LRRTM4: variants seen among roughly 807,000 people sequenced by gnomAD.
LRRTM4 encodes the protein leucine-rich repeat transmembrane neuronal protein 4.
LRRTM4 carries 25 observed loss-of-function variants against 47.6 expected under a neutral mutation model. The observed-to-expected ratio is 0.53, with a 90% CI of 0.38 to 0.73. The LOEUF (loss-of-function observed/expected upper bound fraction) is 0.73. Among genes scored for constraint, LRRTM4 ranks in the 30% least tolerant of loss-of-function variants. LRRTM4 has a pLI of 0.00. For missense variants in LRRTM4, 638 were observed against 713.4 expected, an observed-to-expected ratio of 0.89 and a Z score of 1.20; for synonymous variants, 311 against 269.5, an observed-to-expected ratio of 1.15 and a Z score of -1.51.
intron 3 of LRRTM4, among the ~76,000 whole-genome samples, chr2:76,826,254 G>T (rs1458422319): frequency 6.6e-6 from 1 of 151,614 alleles, no homozygotes; most frequent in African/African-American, 2.4e-5. Context: ...AAAGCTAAAG[G>T]TAAGGATTAT....
chr2:77,285,762 C>A (rs1676638786), intron 3 of LRRTM4, among the ~76,000 whole-genome samples: 1 of 151,626 alleles, frequency 6.6e-6, no homozygotes, highest in Non-Finnish European at 1.5e-5. Context: ...CAAAAAAAAT[C>A]CTGATAGTCT....
chr2:76,960,833 G>A (rs1192585708), intron 3 of LRRTM4, among the ~76,000 whole-genome samples: 4 of 151,290 alleles, frequency 2.6e-5, no homozygotes, highest in Non-Finnish European at 4.4e-5. Context: ...AATTTAAAAT[G>A]AGAAATATAT....
At chr2:77,115,456 A>T (rs916949524) in intron 3 of LRRTM4, among the ~76,000 whole-genome samples, 2 of 152,226 alleles carry the variant, frequency 1.3e-5, no homozygotes, top group African/African-American at 2.4e-5. Context: ...TAACAGGATT[A>T]AGAGATTAAA....
chr2:77,165,795 T>G (rs1017236198), intron 3 of LRRTM4, among the ~76,000 whole-genome samples: 1 of 152,226 alleles, frequency 6.6e-6, no homozygotes, highest in East Asian at 1.9e-4. Context: ...AATTAGGTAT[T>G]GATGGGACGT....
chr2:77,000,321 A>AAAG (rs1553442837), intron 3 of LRRTM4, among the ~76,000 whole-genome samples: 588 of 151,688 alleles, frequency 3.9e-3, no homozygotes, highest in Non-Finnish European at 6.8e-3. Context: ...AAAAAAAAAA[A>AAAG]GGGTTAGTAA....
chr2:76,973,573 C>T (rs1372070104), intron 3 of LRRTM4, among the ~76,000 whole-genome samples: 1 of 151,812 alleles, frequency 6.6e-6, no homozygotes, highest in Non-Finnish European at 1.5e-5. Flanking sequence ...ACTGATTTTC[C>T]TGGGAGACAA....
At chr2:77,502,517 A>G (rs1247860435) in intron 3 of LRRTM4, among the ~76,000 whole-genome samples, 2 of 151,672 alleles carry the variant, frequency 1.3e-5, no homozygotes, top group Non-Finnish European at 3.0e-5. Context: ...ATATGTAATT[A>G]TCTTTAAAAG....
chr2:77,164,866 G>C (rs1320114278), intron 3 of LRRTM4, among the ~76,000 whole-genome samples: 1 of 152,146 alleles, frequency 6.6e-6, no homozygotes, highest in Non-Finnish European at 1.5e-5. Context: ...AAGCAGAAAA[G>C]ATCTAAAATT....
In LRRTM4 at chr2:76,804,810, T is replaced by A. The variant is rs139554588; in HGVS notation, c.1552-55894A>T. On this transcript the variant is annotated intron_variant, in intron 3 of 3. Coordinates refer to ENST00000409884, the MANE Select transcript of LRRTM4 (RefSeq NM_001134745.3). ...TATATATCATTGTTTTATAACAAAT[T>A]ATTAAACAGACAAGCACTTCTCAAA... Among the ~76,000 whole-genome samples, 1,078 of 150,878 alleles carry A rather than the reference T, an allele frequency of 7.1e-3. 15 individuals are homozygous for A. The highest frequency in any genetic ancestry group is 8.1e-3 in the Non-Finnish European group (551 of 67,748).
intron 3 of LRRTM4, among the ~76,000 whole-genome samples, chr2:76,935,649 G>A (rs1251112021): frequency 6.6e-6 from 1 of 152,094 alleles, no homozygotes; most frequent in Non-Finnish European, 1.5e-5. Flanking sequence ...TTGGCTCTCT[G>A]TTATTGGTGT....
At chr2:77,049,743 C>G (rs1462325760) in intron 3 of LRRTM4, among the ~76,000 whole-genome samples, 1 of 151,782 alleles carries the variant, frequency 6.6e-6, no homozygotes, top group African/African-American at 2.4e-5. Flanking sequence ...TGCAGGTTGT[C>G]TCTTTACTCT....
At chr2:77,020,344 G>T (rs1394014765) in intron 3 of LRRTM4, among the ~76,000 whole-genome samples, 2 of 152,038 alleles carry the variant, frequency 1.3e-5, no homozygotes, top group Non-Finnish European at 2.9e-5. Flanking sequence ...CTAATATTAG[G>T]TTGGTGCAAA....
intron 3 of LRRTM4, among the ~76,000 whole-genome samples, chr2:76,803,259 A>C (rs1242154762): frequency 6.6e-6 from 1 of 152,174 alleles, no homozygotes; most frequent in Non-Finnish European, 1.5e-5. Flanking sequence ...GCAAAAAACA[A>C]ATGACCTGAT....
At position 77,466,284 on chromosome 2, in the gene LRRTM4, A is replaced by G. The variant is rs140849352; in HGVS notation, c.1551+52034T>C. ...GAATTCTGATTTCTAAAAGACCCCAAATGAATTACTTCAGGGGAGTCCGAA... is the reference window on the plus strand; with the variant it reads ...GAATTCTGATTTCTAAAAGACCCCAGATGAATTACTTCAGGGGAGTCCGAA... On this transcript the variant is annotated intron_variant, in intron 3 of 3. Coordinates refer to ENST00000409884, the MANE Select transcript of LRRTM4 (RefSeq NM_001134745.3). Among the ~76,000 whole-genome samples the G allele has an allele frequency of 2.3e-3, 347 of 152,334 alleles. 3 individuals are homozygous for G. Among genetic ancestry groups the G allele is most frequent in the African/African-American group, 7.9e-3 (329 of 41,574 alleles).
intron 3 of LRRTM4, among the ~76,000 whole-genome samples, chr2:76,929,330 C>T (rs1573327252): frequency 1.3e-5 from 2 of 152,230 alleles, no homozygotes; most frequent in South Asian, 2.1e-4. Context: ...ACAACAAATG[C>T]ATTTGTGCCC....
At chr2:77,456,099 C>A (rs1454300223) in intron 3 of LRRTM4, among the ~76,000 whole-genome samples, 1 of 152,074 alleles carries the variant, frequency 6.6e-6, no homozygotes, top group Non-Finnish European at 1.5e-5. Context: ...CTAATTTTAC[C>A]CAGTCAGTGA....
Position 77,350,826 on chromosome 2 carries a change from T to G in LRRTM4, c.1551+167492A>C, listed in dbSNP as rs377489248. ...AAATATTGCTCTGACTCACCAGTAC[T>G]CAGAAATATGCCATGTATAAAAGAC... On this transcript the variant is annotated intron_variant, in intron 3 of 3. Coordinates refer to ENST00000409884, the MANE Select transcript of LRRTM4 (RefSeq NM_001134745.3). Among the ~76,000 whole-genome samples, 19 of 152,296 alleles carry G rather than the reference T, an allele frequency of 1.2e-4. No individual in the cohort carries two copies. The East Asian group carries it at 3.1e-3, about 25-fold the overall frequency.
At chr2:77,142,269 A>T (rs1672144424) in intron 3 of LRRTM4, among the ~76,000 whole-genome samples, 2 of 152,132 alleles carry the variant, frequency 1.3e-5, no homozygotes, top group African/African-American at 4.8e-5. Flanking sequence ...ATTTTGGAAG[A>T]TTTTTTAGAA....
chr2:77,317,250 C>T (rs182115646), intron 3 of LRRTM4, among the ~76,000 whole-genome samples: 1 of 152,028 alleles, frequency 6.6e-6, no homozygotes, highest in African/African-American at 2.4e-5. Flanking sequence ...ATCATATTTG[C>T]AGTTTTTTGC....
Sources: gnomAD v4.1 joint callset for allele counts (sites outside exome capture counted in the v4.1 genomes callset) on GRCh38, gnomAD v4.1.1 for gene constraint, MANE v1.5 for transcripts, NCBI Gene and HGNC (gene_info 2026-07-23, HGNC 2026-07-21) for gene names.